Variants in CYP39A1 observed in about 807,000 individuals in gnomAD.
The protein encoded by CYP39A1 is 24-hydroxycholesterol 7-alpha-hydroxylase.
A neutral mutation model predicts 58.1 loss-of-function variants in CYP39A1; 49 were observed. The observed-to-expected ratio is 0.84, with a 90% CI of 0.67 to 1.07. The LOEUF (loss-of-function observed/expected upper bound fraction) is 1.07, where lower values mean the gene tolerates loss of function less well. Among genes scored for constraint, CYP39A1 ranks in the 50% least tolerant of loss-of-function variants. The pLI, the probability that CYP39A1 is intolerant of heterozygous loss-of-function variation, is 0.00. For synonymous variants in CYP39A1, 209 were observed against 187.6 expected (o/e 1.11, Z -0.93); for missense variants, 531 against 539.4 (o/e 0.98, Z 0.16).
Position 46,587,118 on chromosome 6 carries a change from G to A in CYP39A1, c.1209C>T (p.Cys403=). 6.2e-7 allele frequency: 1 copy of A among 1,612,242 alleles called. No individual in the cohort carries two copies. Among genetic ancestry groups the A allele is most frequent in the Non-Finnish European group, 8.5e-7 (1 of 1,179,176 alleles). Residue 403 remains cysteine (C), a synonymous_variant, in exon 10 of 12, where the codon TGC becomes TGT. Transcript: ENST00000275016. ...ANLEKHSFLD[C]FMAFGSGKFQ... ...ACTTCCCGCTTCCAAATGCCATGAA[G>A]CAGTCCAAGAAAGAGTGCTTCTCTA...
intron 7 of CYP39A1, among the ~76,000 whole-genome samples, chr6:46,615,335 T>TGCACATGTCTGTGTGTATATATAC (rs1561992899): frequency 6.6e-6 from 1 of 151,946 alleles, no homozygotes; most frequent in East Asian, 1.9e-4. Context: ...TATTTATATA[T>TGCACATGTCTGTGTGTATATATAC]GCACATGTCT....
chr6:46,651,980 T>C (rs1422419916), intron 1 of CYP39A1, among the ~76,000 whole-genome samples: 1 of 152,252 alleles, frequency 6.6e-6, no homozygotes, highest in Non-Finnish European at 1.5e-5. Context: ...GCCTGTTTAT[T>C]GTGTACGGAC....
chr6:46,582,967 A>G (rs1772229936), intron 10 of CYP39A1: 1 of 661,418 alleles, frequency 1.5e-6, no homozygotes, highest in Non-Finnish European at 1.9e-6. Context: ...CAGTACTACT[A>G]AATTACTATT....
intron 8 of CYP39A1, among the ~76,000 whole-genome samples, chr6:46,594,605 A>G (rs1773032687): frequency 6.6e-6 from 1 of 152,096 alleles, no homozygotes; most frequent in African/African-American, 2.4e-5. Flanking sequence ...CTGGACATCC[A>G]CATTTATAAG....
chr6:46,585,018 A>T (rs1772383080), intron 10 of CYP39A1, among the ~76,000 whole-genome samples: 1 of 152,154 alleles, frequency 6.6e-6, no homozygotes, highest in South Asian at 2.1e-4. Flanking sequence ...CCTTGCACAG[A>T]GTAAGAGCTC....
At chr6:46,601,449 T>C (rs1238979954) in intron 7 of CYP39A1, among the ~76,000 whole-genome samples, 1 of 152,090 alleles carries the variant, frequency 6.6e-6, no homozygotes, top group Non-Finnish European at 1.5e-5. Context: ...CTTTGGCAAA[T>C]AAAGCCGTAT....
chr6:46,631,184 C>G (rs1775640160), intron 5 of CYP39A1, 114 bp from the exon 6 acceptor site: 2 of 850,890 alleles, frequency 2.4e-6, no homozygotes, highest in South Asian at 3.2e-5. Context: ...TCTGCCATTC[C>G]CAGGTTTTGC....
intron 7 of CYP39A1, among the ~76,000 whole-genome samples, chr6:46,598,145 T>C (rs1773282025): frequency 6.6e-6 from 1 of 152,144 alleles, no homozygotes; most frequent in Non-Finnish European, 1.5e-5. Context: ...CGAAAAATGC[T>C]ACATGTTATT....
intron 11 of CYP39A1, among the ~76,000 whole-genome samples, chr6:46,551,028 G>A (rs1770368481): frequency 6.6e-6 from 1 of 151,962 alleles, no homozygotes; most frequent in Non-Finnish European, 1.5e-5. Flanking sequence ...TCAGCGTATT[G>A]TAAATAATAC....
At chr6:46,551,851 A>T (rs1770414479) in intron 11 of CYP39A1, among the ~76,000 whole-genome samples, 1 of 152,152 alleles carries the variant, frequency 6.6e-6, no homozygotes, top group Non-Finnish European at 1.5e-5. Context: ...TAATTTATTG[A>T]AACAAGTTCA....
intron 5 of CYP39A1, among the ~76,000 whole-genome samples, chr6:46,634,307 G>T (rs1342964228): frequency 6.6e-6 from 1 of 152,082 alleles, no homozygotes; most frequent in African/African-American, 2.4e-5. Context: ...CACCATGATT[G>T]TGAGGCCTCC....
chr6:46,569,628 T>G (rs1771475359), intron 10 of CYP39A1, among the ~76,000 whole-genome samples: 1 of 152,110 alleles, frequency 6.6e-6, no homozygotes, highest in Non-Finnish European at 1.5e-5. Flanking sequence ...ATTGATATAA[T>G]CATATAATTT....
In CYP39A1 at chr6:46,608,234, G is replaced by A. The variant is rs144355798; in HGVS notation, c.932-12114C>T. ...TATATAGCATTTGTATGACTTCTAT[G>A]CAAAAATAATGAAGCAATGACAACA... On this transcript the variant is annotated intron_variant, in intron 7 of 11. Coordinates refer to ENST00000275016, the MANE Select transcript of CYP39A1 (RefSeq NM_016593.5). 8.3e-4 allele frequency among the ~76,000 whole-genome samples: 127 copies of A among 152,196 alleles called. 5 individuals carry two copies. The South Asian group carries it at 0.012, about 15-fold the overall frequency.
At chr6:46,625,965 T>C (rs1217404497) in intron 6 of CYP39A1, among the ~76,000 whole-genome samples, 1 of 152,072 alleles carries the variant, frequency 6.6e-6, no homozygotes, top group Non-Finnish European at 1.5e-5. Flanking sequence ...TGAAACACAG[T>C]AGTTTTAAAT....
chr6:46,588,341 G>A (rs369100557), intron 8 of CYP39A1, among the ~76,000 whole-genome samples: 4 of 150,344 alleles, frequency 2.7e-5, no homozygotes, highest in Non-Finnish European at 5.9e-5. Flanking sequence ...ATATAATTCT[G>A]ATTTCCATAT....
chr6:46,622,173 G>A (rs1042228103), intron 7 of CYP39A1, among the ~76,000 whole-genome samples: 9 of 152,088 alleles, frequency 5.9e-5, no homozygotes, highest in African/African-American at 2.2e-4. Flanking sequence ...GCTAGAAATA[G>A]AAGGAAACAG....
At chr6:46,585,629 T>C (rs1467863816) in intron 10 of CYP39A1, among the ~76,000 whole-genome samples, 1 of 152,110 alleles carries the variant, frequency 6.6e-6, no homozygotes, top group Admixed American at 6.6e-5. Context: ...TTTGGAGTTT[T>C]ATGGTGGGTA....
intron 5 of CYP39A1, among the ~76,000 whole-genome samples, chr6:46,633,641 G>A (rs369234722): frequency 1.3e-5 from 2 of 152,166 alleles, no homozygotes; most frequent in African/African-American, 2.4e-5. Context: ...GGTGGGTCAC[G>A]AGGTCAGAAG....
chr6:46,589,072 C>T (rs927180632), intron 8 of CYP39A1, among the ~76,000 whole-genome samples: 3 of 152,050 alleles, frequency 2.0e-5, no homozygotes, highest in Non-Finnish European at 2.9e-5. Flanking sequence ...TCTATTTAAC[C>T]GTGTATAATT....
Sources: gnomAD v4.1 joint callset for allele counts (sites outside exome capture counted in the v4.1 genomes callset) on GRCh38, gnomAD v4.1.1 for gene constraint, MANE v1.5 for transcripts, NCBI Gene and HGNC (gene_info 2026-07-23, HGNC 2026-07-21) for gene names.